NPSR1: variants seen among roughly 807,000 people sequenced by gnomAD.
The protein encoded by NPSR1 is neuropeptide S receptor.
In NPSR1, 48 loss-of-function variants were observed where a neutral mutation model predicts 46.9. The observed-to-expected ratio is 1.02, with a 90% CI of 0.81 to 1.30. The LOEUF is 1.30. Ranked by LOEUF, NPSR1 falls within the 50% of genes most tolerant of loss-of-function variation. The pLI, the probability that NPSR1 is intolerant of heterozygous loss-of-function variation, is 0.00. For missense variants in NPSR1, 450 were observed against 449.5 expected (o/e 1.00, Z -0.01); for synonymous variants, 176 against 168.1 (o/e 1.05, Z -0.36).
At chr7:34,780,317 T>A (rs1459881869) in intron 3 of NPSR1, among the ~76,000 whole-genome samples, 1 of 152,190 alleles carries the variant, frequency 6.6e-6, no homozygotes, top group African/African-American at 2.4e-5. Context: ...AACCTATGGT[T>A]TCTCCCAATT....
In NPSR1 at chr7:34,778,576, C is replaced by T; in HGVS notation, c.384+11C>T. The T allele has an allele frequency of 6.5e-7, 1 of 1,544,418 alleles. No homozygotes were observed. The highest frequency in any genetic ancestry group is 8.9e-7 in the Non-Finnish European group (1 of 1,117,854). ...GTCCGCTATTTGCAGGTATGTCACA[C>T]CTTCCAAATGTGATGAGACAAACTG... On this transcript the variant is annotated intron_variant, in intron 3 of 8. Transcript: ENST00000360581.
At chr7:34,724,244 C>T (rs929211233) in intron 2 of NPSR1, among the ~76,000 whole-genome samples, 3 of 152,150 alleles carry the variant, frequency 2.0e-5, no homozygotes, top group African/African-American at 7.2e-5. Flanking sequence ...AGCCATATTG[C>T]CACAGAAACA....
intron 8 of NPSR1, among the ~76,000 whole-genome samples, chr7:34,855,345 C>G (rs1419534929): frequency 6.6e-6 from 1 of 151,760 alleles, no homozygotes; most frequent in Non-Finnish European, 1.5e-5. Context: ...AATTAATAAA[C>G]CTCTGGTGAG....
intron 2 of NPSR1, among the ~76,000 whole-genome samples, chr7:34,732,164 T>A (rs1192696889): frequency 6.6e-6 from 1 of 151,844 alleles, no homozygotes; most frequent in Admixed American, 6.6e-5. Flanking sequence ...GTCTATCATG[T>A]AACAGGGCTC....
rs1239144515 is a variant in NPSR1, at chr7:34,658,469, G to A, written c.57G>A (p.Leu19=). Residue 19 remains leucine, a synonymous_variant, in exon 1 of 9, where the codon CTG becomes CTA. Coordinates refer to ENST00000360581, the MANE Select transcript of NPSR1 (RefSeq NM_207172.2). ...ATTCCAGTGGGACCGGGCAGACGCTGGATTCTTCCCCAGTGGCTTGCACTG... is the reference window on the plus strand; with the variant it reads ...ATTCCAGTGGGACCGGGCAGACGCTAGATTCTTCCCCAGTGGCTTGCACTG... ...SFDSSGTGQT[L]DSSPVACTET... 1 of 1,614,138 alleles carries A rather than the reference G, an allele frequency of 6.2e-7. No individual in the cohort carries two copies. The highest frequency in any genetic ancestry group is 1.7e-5 in the Admixed American group (1 of 60,018).
At chr7:34,802,652 A>G (rs1424974755) in intron 3 of NPSR1, among the ~76,000 whole-genome samples, 1 of 150,420 alleles carries the variant, frequency 6.6e-6, no homozygotes, top group Non-Finnish European at 1.5e-5. Context: ...GGACATAGGC[A>G]TGGGCAAGGA....
chr7:34,870,272 A>C (rs1023533944), intron 8 of NPSR1, among the ~76,000 whole-genome samples: 1 of 151,828 alleles, frequency 6.6e-6, no homozygotes, highest in African/African-American at 2.4e-5. Flanking sequence ...GGGATGAGTC[A>C]GGCATGACTC....
chr7:34,859,258 G>A (rs1791127988), intron 8 of NPSR1, among the ~76,000 whole-genome samples: 1 of 151,748 alleles, frequency 6.6e-6, no homozygotes, highest in Non-Finnish European at 1.5e-5. Context: ...AGCCTTGTGA[G>A]TCAGTTCAGA....
chr7:34,723,074 G>A (rs531665577), intron 2 of NPSR1, among the ~76,000 whole-genome samples: 1 of 152,230 alleles, frequency 6.6e-6, no homozygotes, highest in African/African-American at 2.4e-5. Context: ...TGGAAACTGT[G>A]AACAAATTAA....
At position 34,750,855 on chromosome 7, in the gene NPSR1, T is replaced by C. The variant is rs1049996846; in HGVS notation, c.281-27607T>C. 24 of 698,084 alleles carry C rather than the reference T, an allele frequency of 3.4e-5. No individual in the cohort carries two copies. In the Admixed American group the frequency reaches 4.1e-4, roughly 12 times the overall value. 43.2% of individuals were successfully genotyped at this position (698,084 alleles called of 1,614,324 possible). The stretch of plus-strand genomic sequence containing the variant: ...TTTTCCACCAGGCTTTGTCTGCTTG[T>C]CTTTGGTGATGATGTAGGAGAAGAA... On this transcript the variant is annotated intron_variant, in intron 2 of 8. Transcript: ENST00000360581.
chr7:34,849,092 C>G (rs1371181413), intron 8 of NPSR1, among the ~76,000 whole-genome samples: 1 of 152,210 alleles, frequency 6.6e-6, no homozygotes, highest in Non-Finnish European at 1.5e-5. Flanking sequence ...ATCCCTCCCA[C>G]AGTTATTGTC....
chr7:34,726,684 T>C (rs1466615928), intron 2 of NPSR1, among the ~76,000 whole-genome samples: 1 of 152,104 alleles, frequency 6.6e-6, no homozygotes, highest in African/African-American at 2.4e-5. Flanking sequence ...AGCACTAAAA[T>C]GAGCTATCAA....
intron 3 of NPSR1, among the ~76,000 whole-genome samples, chr7:34,795,882 T>C (rs1788150256): frequency 6.6e-6 from 1 of 152,146 alleles, no homozygotes; most frequent in Non-Finnish European, 1.5e-5. Context: ...GCAAGTTATT[T>C]TGTGGATATC....
intron 2 of NPSR1, among the ~76,000 whole-genome samples, chr7:34,718,325 C>T (rs1365330875): frequency 1.3e-5 from 2 of 152,146 alleles, no homozygotes; most frequent in Non-Finnish European, 2.9e-5. Context: ...TGTGATATCA[C>T]TCATGATGCC....
intron 2 of NPSR1, among the ~76,000 whole-genome samples, chr7:34,735,932 G>T (rs1419790): frequency 0.14 from 21,149 of 152,024 alleles, 1,613 homozygotes; most frequent in Non-Finnish European, 0.17. Context: ...TGAATAAAAA[G>T]CAGAATAGAA....
chr7:34,718,848 T>G (rs1168095643), intron 2 of NPSR1: 2 of 152,188 alleles, frequency 1.3e-5, no homozygotes, highest in African/African-American at 4.8e-5. Flanking sequence ...AAAATGGAAA[T>G]AAAGTCCAAG....
intron 3 of NPSR1, among the ~76,000 whole-genome samples, chr7:34,789,462 C>A: frequency 6.7e-6 from 1 of 149,718 alleles, no homozygotes. Flanking sequence ...CAACTGATAC[C>A]ATAGAAACAA....
At chr7:34,791,190 A>ATATATTATATTATATATGTT (rs1787851179) in intron 3 of NPSR1, among the ~76,000 whole-genome samples, 1 of 48,450 alleles carries the variant, frequency 2.1e-5, no homozygotes, top group South Asian at 5.5e-4. Flanking sequence ...TATATATGTT[A>ATATATTATATTATATATGTT]TATGTTATAT....
At chr7:34,684,425 T>G in intron 1 of NPSR1, 127 bp from the exon 2 acceptor site, 6 of 829,536 alleles carry the variant, frequency 7.2e-6, no homozygotes, top group Non-Finnish European at 1.2e-5. Context: ...ATTGTTTTCT[T>G]GAGAGTAGAG....
Sources: gnomAD v4.1 joint callset for allele counts (sites outside exome capture counted in the v4.1 genomes callset) on GRCh38, gnomAD v4.1.1 for gene constraint, MANE v1.5 for transcripts, NCBI Gene and HGNC (gene_info 2026-07-23, HGNC 2026-07-21) for gene names.